The following FGGY variants were observed in gnomAD, a reference collection of about 807,000 sequenced individuals.
FGGY encodes the protein FGGY carbohydrate kinase domain-containing protein.
FGGY carries 72 observed loss-of-function variants against 71.3 expected under a neutral mutation model. The ratio of observed to expected loss-of-function variants is 1.01; its 90% CI spans 0.84 to 1.23. The LOEUF is 1.23. Among genes scored for constraint, FGGY ranks in the 50% most tolerant of loss-of-function variants. The pLI, the probability that FGGY is intolerant of heterozygous loss-of-function variation, is 0.00. For synonymous variants in FGGY, 251 were observed against 250.3 expected (o/e 1.00, Z -0.02); for missense variants, 668 against 682.3 (o/e 0.98, Z 0.23).
At chr1:59,753,259 T>C (rs2098261114) in intron 14 of FGGY, among the ~76,000 whole-genome samples, 1 of 151,926 alleles carries the variant, frequency 6.6e-6, no homozygotes, top group Non-Finnish European at 1.5e-5. Context: ...TAATTTCAGA[T>C]TTCCTGCAGC....
rs1290387692 is a variant in FGGY at position 59,758,001 on chromosome 1, G to A, written c.1574+9G>A. ...AGACTACAGGATAAAAAGTAAGTGT[G>A]TATTTTTTATATGTACAGTGCTAAG... On this transcript the variant is annotated intron_variant, in intron 15 of 15. Transcript: ENST00000303721. 45 of 1,606,166 alleles carry A rather than the reference G, an allele frequency of 2.8e-5. No individual in the cohort carries two copies. The highest frequency in any genetic ancestry group is 3.7e-5 in the Non-Finnish European group (44 of 1,173,782).
At chr1:59,456,253 T>C (rs1215863727) in intron 5 of FGGY, among the ~76,000 whole-genome samples, 1 of 152,188 alleles carries the variant, frequency 6.6e-6, no homozygotes, top group African/African-American at 2.4e-5. Flanking sequence ...TTTCAGTATG[T>C]ATCTCTAAAT....
intron 4 of FGGY, among the ~76,000 whole-genome samples, chr1:59,358,909 A>G (rs1215166144): frequency 6.6e-6 from 1 of 152,216 alleles, no homozygotes; most frequent in Non-Finnish European, 1.5e-5. Context: ...TTGCAGATGA[A>G]GAAATTGAGG....
At chr1:59,642,591 C>T (rs1276721542) in intron 11 of FGGY, among the ~76,000 whole-genome samples, 4 of 146,828 alleles carry the variant, frequency 2.7e-5, no homozygotes, top group African/African-American at 7.7e-5. Flanking sequence ...TGCCACTGCA[C>T]TCCAGCCTGG....
chr1:59,586,488 C>A (rs1483200523), intron 8 of FGGY, among the ~76,000 whole-genome samples: 1 of 152,002 alleles, frequency 6.6e-6, no homozygotes, highest in Non-Finnish European at 1.5e-5. Context: ...AGGGGAACAT[C>A]ACACACCGGG....
intron 6 of FGGY, among the ~76,000 whole-genome samples, chr1:59,468,493 T>C (rs187823770): frequency 1.3e-5 from 2 of 152,292 alleles, no homozygotes; most frequent in East Asian, 3.9e-4. Flanking sequence ...GGTTGGGCAT[T>C]TCACTTTTTC....
intron 4 of FGGY, among the ~76,000 whole-genome samples, chr1:59,376,168 A>T (rs1338052925): frequency 3.3e-5 from 5 of 152,224 alleles, no homozygotes; most frequent in African/African-American, 1.2e-4. Flanking sequence ...GATCCTATAC[A>T]GAGATACTAC....
intron 5 of FGGY, among the ~76,000 whole-genome samples, chr1:59,397,901 C>T (rs898317340): frequency 6.6e-6 from 1 of 152,202 alleles, no homozygotes; most frequent in African/African-American, 2.4e-5. Flanking sequence ...TTTGCCAACT[C>T]TTTGACCTTT....
At chr1:59,704,279 A>G (rs1362063466) in intron 14 of FGGY, among the ~76,000 whole-genome samples, 1 of 152,080 alleles carries the variant, frequency 6.6e-6, no homozygotes, top group Non-Finnish European at 1.5e-5. Context: ...CCCGAGCACA[A>G]AGCAAGTGTT....
chr1:59,468,853 C>T (rs1290470566), intron 6 of FGGY, among the ~76,000 whole-genome samples: 1 of 145,448 alleles, frequency 6.9e-6, no homozygotes, highest in East Asian at 2.0e-4. Context: ...GTCTGCTCCA[C>T]TGAGCAAGAC....
At chr1:59,483,081 C>T (rs1357183088) in intron 6 of FGGY, among the ~76,000 whole-genome samples, 6 of 152,246 alleles carry the variant, frequency 3.9e-5, no homozygotes, top group African/African-American at 1.4e-4. Context: ...CTTTGAGATC[C>T]ATTGGAGTAG....
chr1:59,476,480 CT>C (rs1382840706), intron 6 of FGGY, among the ~76,000 whole-genome samples: 1 of 152,218 alleles, frequency 6.6e-6, no homozygotes, highest in Non-Finnish European at 1.5e-5. Flanking sequence ...TAGCTGCAGT[CT>C]CCTGGCCTGG....
chr1:59,701,833 C>T (rs1408061073), intron 14 of FGGY, among the ~76,000 whole-genome samples: 3 of 152,038 alleles, frequency 2.0e-5, no homozygotes, highest in Admixed American at 1.3e-4. Flanking sequence ...CAACTGTGTA[C>T]TGGATGAAAA....
At chr1:59,624,077 G>C (rs1361267810) in intron 9 of FGGY, among the ~76,000 whole-genome samples, 2 of 152,050 alleles carry the variant, frequency 1.3e-5, no homozygotes, top group East Asian at 3.9e-4. Context: ...CTTCATCACA[G>C]TAATGCAAAG....
At chr1:59,464,900 A>AG (rs1397312318) in intron 6 of FGGY, among the ~76,000 whole-genome samples, 1 of 152,208 alleles carries the variant, frequency 6.6e-6, no homozygotes, top group Non-Finnish European at 1.5e-5. Context: ...ACCAAAAAAA[A>AG]GTTCAGGACC....
chr1:59,667,377 T>C lies in FGGY; in HGVS notation c.1391T>C (p.Phe464Ser), dbSNP rs779598383. The C allele has an allele frequency of 2.5e-6, 4 of 1,614,158 alleles. No individual in the cohort carries two copies. Residue 464 changes from phenylalanine to serine, a missense_variant, in exon 13 of 16, where the codon TTT (phenylalanine) becomes TCT (serine). Physicochemically the swap from Phe to Ser is radical, Grantham distance 155. Around this residue, in one of 2 missense-constraint regions of FGGY, gnomAD observed 661 missense variants for 661.6 expected, o/e 1.00. Coordinates refer to ENST00000303721, the MANE Select transcript of FGGY (RefSeq NM_018291.5). ...LCGGLSKNPL[F>S]VQMHADITGM... ...GGAGGCCTCAGCAAGAATCCCCTTTTTGTGCAAATGCATGCGGACATTACT... is the reference window on the plus strand; with the variant it reads ...GGAGGCCTCAGCAAGAATCCCCTTTCTGTGCAAATGCATGCGGACATTACT...
chr1:59,375,821 C>G (rs1011384222), intron 4 of FGGY, among the ~76,000 whole-genome samples: 2 of 150,088 alleles, frequency 1.3e-5, no homozygotes, highest in Admixed American at 1.3e-4. Context: ...TGTGTGGCTA[C>G]AGGCTAAAAG....
At chr1:59,446,347 G>A (rs1469346154) in intron 5 of FGGY, among the ~76,000 whole-genome samples, 1 of 152,016 alleles carries the variant, frequency 6.6e-6, no homozygotes, top group Admixed American at 6.6e-5. Context: ...TCATGGCCAC[G>A]TTTGAATCAT....
chr1:59,340,131 C>A, intron 3 of FGGY, 62 bp downstream of exon 3: 1 of 1,169,184 alleles, frequency 8.6e-7, no homozygotes, highest in Non-Finnish European at 1.2e-6. Flanking sequence ...TCCAATGGGC[C>A]CAGGTGGAAC....
Sources: gnomAD v4.1 joint callset for allele counts (sites outside exome capture counted in the v4.1 genomes callset) on GRCh38, gnomAD v4.1.1 for gene constraint, gnomAD v4.1.1 regional missense constraint, MANE v1.5 for transcripts, NCBI Gene and HGNC (gene_info 2026-07-23, HGNC 2026-07-21) for gene names.